Variants in CADM2 observed in about 807,000 individuals in gnomAD.
CADM2 encodes the protein immunoglobulin superfamily member 4D.
CADM2 carries 12 observed loss-of-function variants against 49.8 expected under a neutral mutation model. The ratio of observed to expected loss-of-function variants is 0.24; its 90% CI spans 0.15 to 0.39. The LOEUF is 0.39. Among genes scored for constraint, CADM2 ranks in the 10% least tolerant of loss-of-function variants. The pLI is 1.00. For missense variants in CADM2, 378 were observed against 492.3 expected (o/e 0.77, Z 2.20); for synonymous variants, 214 against 175.4 (o/e 1.22, Z -1.74).
At chr3:85,643,531 T>G (rs1157319420) in intron 1 of CADM2, among the ~76,000 whole-genome samples, 2 of 152,260 alleles carry the variant, frequency 1.3e-5, no homozygotes, top group Non-Finnish European at 2.9e-5. Context: ...TGATTAGGTC[T>G]TTGCTTGATT....
At chr3:85,377,731 A>G (rs1480848519) in intron 1 of CADM2, among the ~76,000 whole-genome samples, 1 of 152,116 alleles carries the variant, frequency 6.6e-6, no homozygotes, top group Non-Finnish European at 1.5e-5. Context: ...CATTTTTAAA[A>G]GTTAAAGTTA....
At chr3:85,627,100 A>C (rs999183805) in intron 1 of CADM2, among the ~76,000 whole-genome samples, 1 of 152,100 alleles carries the variant, frequency 6.6e-6, no homozygotes, top group South Asian at 2.1e-4. Flanking sequence ...ACTTTCATTA[A>C]ATTTTTTTTT....
In CADM2 at chr3:85,803,350, C is replaced by A. The variant is rs371386270; in HGVS notation, c.238+1154C>A. Among the ~76,000 whole-genome samples the A allele has an allele frequency of 4.6e-5, 7 of 152,014 alleles. No individual in the cohort carries two copies. The East Asian group carries it at 1.4e-3, about 29-fold the overall frequency. Reference sequence around the variant, plus strand: ...AGGGAATACAGTGTAGTGGAGGAGACAGACAATAAAGAAACATGCAAATGA... The same window carrying A: ...AGGGAATACAGTGTAGTGGAGGAGAAAGACAATAAAGAAACATGCAAATGA... On this transcript the variant is annotated intron_variant, in intron 3 of 9. Coordinates refer to ENST00000383699, the MANE Select transcript of CADM2 (RefSeq NM_001167675.2).
intron 2 of CADM2, among the ~76,000 whole-genome samples, chr3:85,766,728 T>C (rs1263763770): frequency 2.0e-5 from 3 of 152,198 alleles, no homozygotes; most frequent in Non-Finnish European, 4.4e-5. Context: ...ATGAGTCCCA[T>C]TGTCCAATTT....
At chr3:85,715,545 G>A (rs150147581) in intron 1 of CADM2, among the ~76,000 whole-genome samples, 3,089 of 152,224 alleles carry the variant, frequency 0.02, 50 homozygotes, top group South Asian at 0.03. Context: ...TGGGATACAT[G>A]TGCAGAACGT....
chr3:85,481,770 T>C (rs933162315), intron 1 of CADM2, among the ~76,000 whole-genome samples: 1 of 151,736 alleles, frequency 6.6e-6, no homozygotes, highest in Admixed American at 6.6e-5. Flanking sequence ...CCAATCAAAG[T>C]GAAACTTTCT....
At chr3:85,263,277 G>A (rs1460713130) in intron 1 of CADM2, among the ~76,000 whole-genome samples, 4 of 151,934 alleles carry the variant, frequency 2.6e-5, no homozygotes, top group Non-Finnish European at 5.9e-5. Flanking sequence ...ACAGACATAA[G>A]CCACCGCACC....
rs1048163835 is a variant in CADM2 at position 85,010,966 on chromosome 3, C to G, written c.61+51298C>G. Among the ~76,000 whole-genome samples, 7 of 143,674 alleles carry G rather than the reference C, an allele frequency of 4.9e-5. No homozygotes were observed. In the East Asian group the frequency reaches 6.7e-4, roughly 14 times the overall value. The allele number at this position is 143,674 out of a possible 152,430, so 94.3% of individuals were successfully genotyped here. On this transcript the variant is annotated intron_variant, in intron 1 of 9. Coordinates refer to ENST00000383699, the MANE Select transcript of CADM2 (RefSeq NM_001167675.2). Reference sequence around the variant, plus strand: ...GCAAGCTCCACCTCCCGGGTTCACTCCATTCTCCTGCCTCAGTCTCCCGAG... The same window carrying G: ...GCAAGCTCCACCTCCCGGGTTCACTGCATTCTCCTGCCTCAGTCTCCCGAG...
chr3:85,784,803 G>A (rs1209411480), intron 2 of CADM2, among the ~76,000 whole-genome samples: 1 of 152,074 alleles, frequency 6.6e-6, no homozygotes, highest in African/African-American at 2.4e-5. Flanking sequence ...GGTCTCATAG[G>A]ATGAGTTTGG....
chr3:85,452,163 G>A (rs1324323652), intron 1 of CADM2, among the ~76,000 whole-genome samples: 5 of 152,076 alleles, frequency 3.3e-5, no homozygotes, highest in Non-Finnish European at 7.4e-5. Context: ...TTTCAGAATA[G>A]TACTGTGTTG....
At chr3:85,759,605 T>C (rs2069279945) in intron 2 of CADM2, among the ~76,000 whole-genome samples, 1 of 152,162 alleles carries the variant, frequency 6.6e-6, no homozygotes, top group Admixed American at 6.6e-5. Context: ...GTTTAAATTC[T>C]GTTTATTCAT....
rs192189391 is a variant in CADM2, at chr3:85,925,246, T to G, written c.701-10521T>G. ...TTGAACTATATATAATTTATCTAAT[T>G]TATTAATACTATATTCCGATGGGTT... On this transcript the variant is annotated intron_variant, in intron 6 of 9. Transcript: ENST00000383699. 5.5e-3 allele frequency among the ~76,000 whole-genome samples: 832 copies of G among 152,288 alleles called. 6 individuals carry two copies. Among genetic ancestry groups the G allele is most frequent in the African/African-American group, 0.018 (745 of 41,572 alleles).
intron 8 of CADM2, among the ~76,000 whole-genome samples, chr3:86,054,766 G>A (rs1011329923): frequency 1.3e-4 from 19 of 151,478 alleles, no homozygotes; most frequent in Admixed American, 7.9e-4. Flanking sequence ...ACTCTTAGGC[G>A]AAAATAATTG....
At chr3:85,952,012 C>G (rs1259710753) in intron 7 of CADM2, among the ~76,000 whole-genome samples, 3 of 150,680 alleles carry the variant, frequency 2.0e-5, no homozygotes, top group Non-Finnish European at 4.5e-5. Context: ...TCAGTTAAGA[C>G]TGGAGGTTTT....
chr3:85,166,625 A>G (rs548429347), intron 1 of CADM2, among the ~76,000 whole-genome samples: 1 of 151,984 alleles, frequency 6.6e-6, no homozygotes, highest in African/African-American at 2.4e-5. Context: ...TGATTTGGAG[A>G]AAGTATTAAA....
intron 1 of CADM2, among the ~76,000 whole-genome samples, chr3:85,448,955 C>A (rs924363776): frequency 3.3e-5 from 5 of 151,488 alleles, no homozygotes; most frequent in African/African-American, 7.3e-5. Flanking sequence ...GTGGCTGAGG[C>A]AGGACAATCG....
chr3:85,701,262 G>T lies in CADM2; in HGVS notation c.62-25260G>T, dbSNP rs139620805. 1.1e-3 allele frequency among the ~76,000 whole-genome samples: 167 copies of T among 152,162 alleles called. 1 individual carries two copies. Among genetic ancestry groups the T allele is most frequent in the African/African-American group, 3.9e-3 (162 of 41,522 alleles). ...TGATGGTGCTAAACCATTAGAAACT[G>T]CACCTGTGATCCAATAACCTCCTAC... is the stretch of plus-strand genomic sequence containing the variant. On this transcript the variant is annotated intron_variant, in intron 1 of 9. Transcript: ENST00000383699.
At chr3:85,079,099 T>C (rs1284132618) in intron 1 of CADM2, among the ~76,000 whole-genome samples, 2 of 151,872 alleles carry the variant, frequency 1.3e-5, no homozygotes, top group Admixed American at 1.3e-4. Flanking sequence ...TATAAATTAA[T>C]TTTTATTATC....
intron 1 of CADM2, among the ~76,000 whole-genome samples, chr3:85,619,138 A>G (rs914655824): frequency 6.6e-6 from 1 of 152,162 alleles, no homozygotes; most frequent in Non-Finnish European, 1.5e-5. Flanking sequence ...CAGACAGGGT[A>G]TTAAAATTTT....
Sources: allele counts gnomAD v4.1 joint callset (sites outside exome capture counted in the v4.1 genomes callset), GRCh38; gene constraint gnomAD v4.1.1; transcripts MANE v1.5; gene names NCBI Gene and HGNC (gene_info 2026-07-23, HGNC 2026-07-21).